MAP4K4: variants seen among roughly 807,000 people sequenced by gnomAD.
The protein encoded by MAP4K4 is HPK/GCK-like kinase HGK.
Under a neutral mutation model 189.6 loss-of-function variants are expected in MAP4K4, and 38 were observed. The ratio of observed to expected loss-of-function variants is 0.20; its 90% CI spans 0.15 to 0.26. The LOEUF (loss-of-function observed/expected upper bound fraction) is 0.26, where lower values mean the gene tolerates loss of function less well. MAP4K4 is among the 10% of genes least tolerant of loss of function. MAP4K4 has a pLI of 1.00. For missense variants in MAP4K4, 1,054 were observed against 1,726.9 expected (o/e 0.61, Z 6.91); for synonymous variants, 610 against 624.3 (o/e 0.98, Z 0.34).
Position 101,886,388 on chromosome 2 carries a change from T to TAGTTCAGATA in MAP4K4, c.3622-700_3622-699insAGTTCAGATA, listed in dbSNP as rs11271193. On this transcript the variant is annotated intron_variant, in intron 29 of 32. Coordinates refer to ENST00000324219, the Ensembl canonical transcript of MAP4K4. ...TCTAGTCAGAAAATTAGAGACCTTATGCTACTAGTATGATAATAGTGATAC... is the reference window on the plus strand; with the variant it reads ...TCTAGTCAGAAAATTAGAGACCTTATAGTTCAGATAGCTACTAGTATGATAATAGTGATAC... 4.6e-5 allele frequency among the ~76,000 whole-genome samples: 7 copies of TAGTTCAGATA among 152,044 alleles called. No homozygotes were observed. The South Asian group carries it at 1.0e-3, about 23-fold the overall frequency.
intron 2 of MAP4K4, among the ~76,000 whole-genome samples, chr2:101,729,097 A>T (rs369475346): frequency 3.2e-3 from 210 of 64,912 alleles, no homozygotes; most frequent in Admixed American, 5.9e-3. Context: ...AGAGAGAGAG[A>T]GAGAGTGTGT....
At chr2:101,705,552 A>ATTCT (rs1220107894) in intron 2 of MAP4K4, among the ~76,000 whole-genome samples, 1 of 152,248 alleles carries the variant, frequency 6.6e-6, no homozygotes, top group Non-Finnish European at 1.5e-5. Context: ...AGGTAGACAT[A>ATTCT]TAGAATATCA....
intron 2 of MAP4K4, among the ~76,000 whole-genome samples, chr2:101,746,150 C>T (rs984936103): frequency 6.6e-6 from 1 of 151,980 alleles, no homozygotes; most frequent in Non-Finnish European, 1.5e-5. Context: ...CCACCACACC[C>T]AGCTAATTTT....
At position 101,729,101 on chromosome 2, in the gene MAP4K4, A is replaced by AGAGAGAGTGTGTGTGTGT. The variant is rs149283961; in HGVS notation, c.123+30564_123+30565insAGAGAGTGTGTGTGTGTG. Among the ~76,000 whole-genome samples, 55 of 130,602 alleles carry AGAGAGAGTGTGTGTGTGT rather than the reference A, an allele frequency of 4.2e-4. 1 individual carries two copies. Among genetic ancestry groups the AGAGAGAGTGTGTGTGTGT allele is most frequent in the African/African-American group, 1.6e-3 (53 of 32,206 alleles). 85.7% of individuals were successfully genotyped at this position (130,602 alleles called of 152,430 possible). A position where few individuals can be genotyped will look rare whatever the true frequency, so the allele number is the denominator to read the frequency against. Reference sequence around the variant, plus strand: ...AGGAGAGAGAGAGAGAGAGAGAGAGAGTGTGTGTGTGTGTGTGTGTGTGTG... The same window carrying AGAGAGAGTGTGTGTGTGT: ...AGGAGAGAGAGAGAGAGAGAGAGAGAGAGAGAGTGTGTGTGTGTGTGTGTGTGTGTGTGTGTGTGTGTG... On this transcript the variant is annotated intron_variant, in intron 2 of 32. Coordinates refer to ENST00000324219, the Ensembl canonical transcript of MAP4K4.
intron 2 of MAP4K4, among the ~76,000 whole-genome samples, chr2:101,737,031 A>G (rs2060519254): frequency 6.6e-6 from 1 of 152,198 alleles, no homozygotes; most frequent in African/African-American, 2.4e-5. Context: ...CTATTGGGCA[A>G]TCGGAGTTTT....
chr2:101,761,583 C>G (rs2076459841), intron 2 of MAP4K4, among the ~76,000 whole-genome samples: 1 of 145,050 alleles, frequency 6.9e-6, no homozygotes. Context: ...GAGACGAAGT[C>G]TCTCTCACTC....
chr2:101,758,325 A>G (rs992109805), intron 2 of MAP4K4, among the ~76,000 whole-genome samples: 21 of 152,230 alleles, frequency 1.4e-4, no homozygotes, highest in African/African-American at 5.1e-4. Flanking sequence ...GAAGGATTTA[A>G]GGACACATCG....
chr2:101,831,580 C>A, intron 6 of MAP4K4, 141 bp from the exon 7 acceptor site: 1 of 889,900 alleles, frequency 1.1e-6, no homozygotes, highest in Non-Finnish European at 1.8e-6. Flanking sequence ...GTGGTGCCTG[C>A]CTTGAGCAGG....
rs550864689 is a variant in MAP4K4 at position 101,732,116 on chromosome 2, G to A, written c.123+33578G>A. ...TAGGGACGGATTTTAATATAATTTA[G>A]TATTATTTATAAACTCTGTGGGAGA... On this transcript the variant is annotated intron_variant, in intron 2 of 32. Coordinates refer to ENST00000324219, the Ensembl canonical transcript of MAP4K4. Among the ~76,000 whole-genome samples, 5 of 152,216 alleles carry A rather than the reference G, an allele frequency of 3.3e-5. No homozygotes were observed. The South Asian group carries it at 1.0e-3, about 32-fold the overall frequency.
chr2:101,725,878 GTC>G (rs1349071760), intron 2 of MAP4K4, among the ~76,000 whole-genome samples: 1 of 152,162 alleles, frequency 6.6e-6, no homozygotes, highest in African/African-American at 2.4e-5. Context: ...GGTGGGTTCC[GTC>G]TCTTCCACAT....
chr2:101,754,929 A>G (rs959902753), intron 2 of MAP4K4, among the ~76,000 whole-genome samples: 1 of 152,192 alleles, frequency 6.6e-6, no homozygotes, highest in Admixed American at 6.5e-5. Context: ...ACAAAAACCC[A>G]GTGAGTTGTA....
intron 3 of MAP4K4, among the ~76,000 whole-genome samples, chr2:101,819,124 T>C (rs903274696): frequency 6.6e-6 from 1 of 152,218 alleles, no homozygotes; most frequent in South Asian, 2.1e-4. Context: ...TTTGTTGTTG[T>C]TACTAAACTT....
intron 10 of MAP4K4, 95 bp downstream of exon 10, chr2:101,840,089 C>A: frequency 8.2e-7 from 1 of 1,217,088 alleles, no homozygotes; most frequent in Non-Finnish European, 1.1e-6. Flanking sequence ...TGTGAGAGTG[C>A]TCACTTGGCC....
At position 101,765,693 on chromosome 2, in the gene MAP4K4, T is replaced by G. The variant is rs564124607; in HGVS notation, c.124-25027T>G. ...GATTCAATGAGGAAATCTATCTTACTAGGAGAAAGATAAATTTGTCAAAAT... is the reference window on the plus strand; with the variant it reads ...GATTCAATGAGGAAATCTATCTTACGAGGAGAAAGATAAATTTGTCAAAAT... On this transcript the variant is annotated intron_variant, in intron 2 of 32. Transcript: ENST00000324219. Among the ~76,000 whole-genome samples, 12 of 152,338 alleles carry G rather than the reference T, an allele frequency of 7.9e-5. No homozygotes were observed. The Middle Eastern group carries it at 0.017, about 216-fold the overall frequency.
Position 101,860,966 on chromosome 2 carries a change from C to T in MAP4K4, c.1846C>T (p.Gln616Ter). Reference sequence around the variant, plus strand: ...CTCCGAGTCTGTGCATCCCGCCCTGCAGAGACCAGCGGAGCCACAGGTAGC... The same window carrying T: ...CTCCGAGTCTGTGCATCCCGCCCTGTAGAGACCAGCGGAGCCACAGGTAGC... The change falls in exon 16 of 33, where the codon CAG becomes TAG. Residue 616 changes from glutamine to a stop codon, truncating the protein, a stop_gained. Transcript: ENST00000324219. LOFTEE classifies it high-confidence loss of function. The T allele has an allele frequency of 6.2e-7, 1 of 1,600,728 alleles. No individual in the cohort carries two copies. The highest frequency in any genetic ancestry group is 8.5e-7 in the Non-Finnish European group (1 of 1,173,584).
At chr2:101,790,515 C>T (rs1400459534) in intron 2 of MAP4K4, among the ~76,000 whole-genome samples, 1 of 152,152 alleles carries the variant, frequency 6.6e-6, no homozygotes, top group Non-Finnish European at 1.5e-5. Flanking sequence ...CTCATTTGTT[C>T]ATCGAATTGT....
In MAP4K4 at chr2:101,808,171, C is replaced by T. The variant is rs556348823; in HGVS notation, c.181-15757C>T. ...TTAGGAGGATGGGGAGAAGAATGCC[C>T]ATGGCTCCTTACCTTGCTGGCAGAG... On this transcript the variant is annotated intron_variant, in intron 3 of 32. Transcript: ENST00000324219. 1.7e-4 allele frequency among the ~76,000 whole-genome samples: 26 copies of T among 152,308 alleles called. 1 individual carries two copies. In the South Asian group the frequency reaches 5.4e-3, roughly 32 times the overall value.
At chr2:101,723,474 G>GC (rs2053432073) in intron 2 of MAP4K4, among the ~76,000 whole-genome samples, 1 of 152,098 alleles carries the variant, frequency 6.6e-6, no homozygotes, top group African/African-American at 2.4e-5. Context: ...TTTGCTTTTT[G>GC]CCCAACCTCT....
At chr2:101,851,865 G>A (rs550695804) in intron 12 of MAP4K4, among the ~76,000 whole-genome samples, 1 of 150,054 alleles carries the variant, frequency 6.7e-6, no homozygotes. Flanking sequence ...TTTTTTTAAA[G>A]GTATGTGACT....
Sources: gnomAD v4.1 joint callset for allele counts (sites outside exome capture counted in the v4.1 genomes callset) on GRCh38, gnomAD v4.1.1 for gene constraint, MANE v1.5 for transcripts, NCBI Gene and HGNC (gene_info 2026-07-23, HGNC 2026-07-21) for gene names.